FBXL17: variants seen among roughly 807,000 people sequenced by gnomAD.
FBXL17 encodes F-box and leucine rich repeat protein 17.
A neutral mutation model predicts 66.2 loss-of-function variants in FBXL17; 22 were observed. The observed-to-expected ratio is 0.33, with a 90% CI of 0.24 to 0.47. FBXL17 has a LOEUF of 0.47. FBXL17 is among the 20% of genes least tolerant of loss of function. The pLI is 1.00. For synonymous variants in FBXL17, 474 were observed against 400.5 expected (o/e 1.18, Z -2.19); for missense variants, 878 against 948.2 (o/e 0.93, Z 0.97).
At chr5:108,267,430 T>C (rs1757088568) in intron 4 of FBXL17, among the ~76,000 whole-genome samples, 1 of 152,056 alleles carries the variant, frequency 6.6e-6, no homozygotes. Flanking sequence ...AATTCTTAAT[T>C]ATGTAAATCA....
At chr5:108,125,853 A>C (rs1290131420) in intron 6 of FBXL17, among the ~76,000 whole-genome samples, 1 of 152,118 alleles carries the variant, frequency 6.6e-6, no homozygotes, top group African/African-American at 2.4e-5. Flanking sequence ...TCTAAACCCC[A>C]AAAAGAACCA....
intron 4 of FBXL17, among the ~76,000 whole-genome samples, chr5:108,282,879 G>A (rs1757755269): frequency 6.8e-6 from 1 of 146,724 alleles, no homozygotes; most frequent in African/African-American, 2.5e-5. Context: ...AACTGAAAAA[G>A]AAATCAAGTT....
chr5:107,907,675 C>A (rs1389520778), intron 7 of FBXL17, among the ~76,000 whole-genome samples: 1 of 152,066 alleles, frequency 6.6e-6, no homozygotes, highest in Admixed American at 6.6e-5. Flanking sequence ...ATTTATGCAG[C>A]CAAAAAACAC....
At chr5:107,908,088 A>G (rs1455053652) in intron 7 of FBXL17, among the ~76,000 whole-genome samples, 3 of 152,212 alleles carry the variant, frequency 2.0e-5, no homozygotes, top group Non-Finnish European at 4.4e-5. Flanking sequence ...AATGTGGCAC[A>G]TATACACCAT....
chr5:108,188,071 C>G (rs879602965), intron 5 of FBXL17, among the ~76,000 whole-genome samples: 3 of 152,008 alleles, frequency 2.0e-5, no homozygotes, highest in Non-Finnish European at 2.9e-5. Flanking sequence ...ATTTTTATAT[C>G]TGCATGTGGC....
rs74811262 is a variant in FBXL17, at chr5:108,329,432, G to A, written c.1506+18967C>T. The stretch of plus-strand genomic sequence containing the variant: ...TAGCTTTCCCTAGTATTAAGACCAG[G>A]GGGAATACTTAACTGCAGGTTCTCG... On this transcript the variant is annotated intron_variant, in intron 4 of 8. Coordinates refer to ENST00000542267, the MANE Select transcript of FBXL17 (RefSeq NM_001163315.3). Among the ~76,000 whole-genome samples the A allele has an allele frequency of 8.2e-3, 1,243 of 152,172 alleles. 4 individuals carry two copies. The highest frequency in any genetic ancestry group is 0.012 in the East Asian group (63 of 5,184).
chr5:108,167,560 T>C (rs117927687), intron 6 of FBXL17, among the ~76,000 whole-genome samples: 3 of 152,204 alleles, frequency 2.0e-5, no homozygotes, highest in African/African-American at 4.8e-5. Flanking sequence ...TCACAGGTAT[T>C]TGAAGAAGTC....
intron 5 of FBXL17, among the ~76,000 whole-genome samples, chr5:108,194,748 C>CTGGATCTAACCT (rs1164132983): frequency 5.9e-5 from 9 of 152,290 alleles, no homozygotes; most frequent in Non-Finnish European, 1.2e-4. Flanking sequence ...TCCTGAGCAC[C>CTGGATCTAACCT]TGGCTCTAAC....
chr5:108,176,198 C>A (rs900197995), intron 6 of FBXL17, among the ~76,000 whole-genome samples: 2 of 152,074 alleles, frequency 1.3e-5, no homozygotes. Flanking sequence ...GGGCTTATAA[C>A]GCCATATTCA....
intron 7 of FBXL17, among the ~76,000 whole-genome samples, chr5:107,934,085 A>AT (rs908601929): frequency 3.3e-5 from 5 of 151,996 alleles, no homozygotes; most frequent in Non-Finnish European, 5.9e-5. Flanking sequence ...GAAAAACTCT[A>AT]TTTTTTTATA....
chr5:108,198,776 C>G (rs1224083712), intron 5 of FBXL17, among the ~76,000 whole-genome samples: 1 of 152,202 alleles, frequency 6.6e-6, no homozygotes, highest in Middle Eastern at 3.4e-3. Flanking sequence ...TGTAATTATA[C>G]TCAATGTTAT....
At chr5:108,154,689 ATATATG>A (rs887415738) in intron 6 of FBXL17, among the ~76,000 whole-genome samples, 14 of 145,652 alleles carry the variant, frequency 9.6e-5, no homozygotes, top group Non-Finnish European at 2.1e-4. Context: ...ATATACACAT[ATATATG>A]TATATACATA....
chr5:108,047,154 G>A (rs530263950), intron 6 of FBXL17, among the ~76,000 whole-genome samples: 2 of 152,212 alleles, frequency 1.3e-5, no homozygotes, highest in Non-Finnish European at 2.9e-5. Flanking sequence ...GCCAGCTGGC[G>A]TGATCTATGG....
At chr5:108,326,539 G>A (rs1759862610) in intron 4 of FBXL17, among the ~76,000 whole-genome samples, 1 of 152,056 alleles carries the variant, frequency 6.6e-6, no homozygotes, top group Non-Finnish European at 1.5e-5. Context: ...GGAGGTGGAG[G>A]TTGTAGTGAG....
Position 108,364,779 on chromosome 5 carries a change from C to T in FBXL17, c.1333G>A (p.Val445Ile). The change falls in exon 3 of 9, where the codon GTA becomes ATA. Residue 445 changes from valine (V) to isoleucine (I), a missense_variant. Around this residue, in one of 4 missense-constraint regions of FBXL17, gnomAD observed 236 missense variants for 389.1 expected, o/e 0.61. Transcript: ENST00000542267. ...SHCPLLQKVH[V>I]GNQDKLTDEG... is the part of the protein sequence containing the mutation. ...TCAGTGAGTTTGTCCTGGTTGCCTA[C>T]ATGCACTTTCTGAAGTAAAGGACAG... 1.2e-6 allele frequency: 2 copies of T among 1,612,688 alleles called. No homozygotes were observed. Among genetic ancestry groups the T allele is most frequent in the Non-Finnish European group, 8.5e-7 (1 of 1,179,056 alleles).
chr5:108,102,010 G>A (rs1230101920), intron 6 of FBXL17, among the ~76,000 whole-genome samples: 1 of 152,198 alleles, frequency 6.6e-6, no homozygotes, highest in African/African-American at 2.4e-5. Context: ...CAGGACTAGG[G>A]CAATTGGTGC....
intron 4 of FBXL17, among the ~76,000 whole-genome samples, chr5:108,273,002 C>T (rs1216196370): frequency 6.6e-6 from 1 of 152,080 alleles, no homozygotes; most frequent in East Asian, 1.9e-4. Context: ...AATTTTAAAG[C>T]TGGGCATCCG....
At chr5:107,964,313 G>A (rs1752034063) in intron 7 of FBXL17, among the ~76,000 whole-genome samples, 2 of 152,076 alleles carry the variant, frequency 1.3e-5, no homozygotes, top group South Asian at 4.2e-4. Flanking sequence ...AAATCACAGG[G>A]GATGCAGTGT....
At chr5:107,929,115 G>C (rs75954638) in intron 7 of FBXL17, among the ~76,000 whole-genome samples, 4,522 of 152,190 alleles carry the variant, frequency 0.03, 205 homozygotes, top group African/African-American at 0.1. Context: ...TTGCCATATT[G>C]GTGGTGAAAA....
Sources: gnomAD v4.1 joint callset for allele counts (sites outside exome capture counted in the v4.1 genomes callset) on GRCh38, gnomAD v4.1.1 for gene constraint, gnomAD v4.1.1 regional missense constraint, MANE v1.5 for transcripts, NCBI Gene and HGNC (gene_info 2026-07-23, HGNC 2026-07-21) for gene names.